The following PPFIA2 variants were observed in gnomAD, a reference collection of about 807,000 sequenced individuals.
The protein encoded by PPFIA2 is liprin-alpha-2.
PPFIA2 carries 46 observed loss-of-function variants against 175.5 expected under a neutral mutation model. That is an observed-to-expected ratio of 0.26 (90% CI 0.21 to 0.34). The LOEUF (loss-of-function observed/expected upper bound fraction) is 0.34. Ranked by LOEUF, PPFIA2 falls within the 10% of genes least tolerant of loss-of-function variation. PPFIA2 has a pLI of 1.00. For missense variants in PPFIA2, 1,179 were observed against 1,506.1 expected, an observed-to-expected ratio of 0.78 and a Z score of 3.60; for synonymous variants, 568 against 511.4, an observed-to-expected ratio of 1.11 and a Z score of -1.49.
Position 81,405,796 on chromosome 12 carries a change from G to A in PPFIA2, c.753C>T (p.Val251=), listed in dbSNP as rs1275724047. ...HLEGMEPGQK[V]HEKRLSNGSI... ...GTGGGGTGTGTCATACCTTCTCATGGACTTTCTGTCCAGGTTCCATCCCTT... is the reference window on the plus strand; with the variant it reads ...GTGGGGTGTGTCATACCTTCTCATGAACTTTCTGTCCAGGTTCCATCCCTT... The change falls in exon 8 of 33, where the codon GTC becomes GTT. Residue 251 remains valine (V), a synonymous_variant. Coordinates refer to ENST00000549396, the MANE Select transcript of PPFIA2 (RefSeq NM_003625.5). The A allele has an allele frequency of 3.9e-6, 6 of 1,557,940 alleles. No homozygotes were observed. The highest frequency in any genetic ancestry group is 5.2e-6 in the Non-Finnish European group (6 of 1,146,460).
chr12:81,678,455 G>C (rs545542332), intron 3 of PPFIA2, among the ~76,000 whole-genome samples: 6 of 151,918 alleles, frequency 3.9e-5, no homozygotes, highest in African/African-American at 1.4e-4. Context: ...GTTTCTATCT[G>C]AAATGCTAAC....
At position 81,746,940 on chromosome 12, in the gene PPFIA2, C is replaced by G. The variant is rs575321763; in HGVS notation, c.249+7033G>C. Among the ~76,000 whole-genome samples the G allele has an allele frequency of 2.1e-5, 3 of 143,428 alleles. No homozygotes were observed. In the South Asian group the frequency reaches 6.9e-4, roughly 33 times the overall value. 94.1% of individuals were successfully genotyped at this position (143,428 alleles called of 152,430 possible). A position where few individuals can be genotyped will look rare whatever the true frequency, so the allele number is the denominator to read the frequency against. On this transcript the variant is annotated intron_variant, in intron 3 of 32. Transcript: ENST00000549396. ...AATTTCAACATGAAATAATTAATAG[C>G]ATTGCTTAACACAAAGAATTCAAGG...
At chr12:81,584,522 A>T (rs1007942679) in intron 4 of PPFIA2, among the ~76,000 whole-genome samples, 1 of 151,660 alleles carries the variant, frequency 6.6e-6, no homozygotes, top group South Asian at 2.1e-4. Context: ...ACATCATCTA[A>T]TGACTGGCTT....
rs773591412 is a variant in PPFIA2 at position 81,277,344 on chromosome 12, G to A, written c.3283C>T (p.Arg1095Trp). Residue 1095 changes from arginine (R) to tryptophan (W), a missense_variant, in exon 28 of 33, where the codon CGG (arginine) becomes TGG (tryptophan). Physicochemically the swap from Arg to Trp is moderately radical, Grantham distance 101 (BLOSUM62 -3). Around this residue, in one of 10 missense-constraint regions of PPFIA2, gnomAD observed 245 missense variants for 375.1 expected, o/e 0.65. Coordinates refer to ENST00000549396, the MANE Select transcript of PPFIA2 (RefSeq NM_003625.5). ...NYDRKELERR[R>W]EASQHEIKDV... ...TTTATTTCATGTTGGCTTGCTTCCC[G>A]TCTTCTTTCTAGTTCTTTTCTGTCA... The A allele has an allele frequency of 3.8e-6, 6 of 1,566,926 alleles. No homozygotes were observed. The highest frequency in any genetic ancestry group is 1.4e-5 in the African/African-American group (1 of 73,660).
In PPFIA2 at chr12:81,374,808, A is replaced by G. The variant is rs764623282; in HGVS notation, c.1132-40T>C. On this transcript the variant is annotated intron_variant, in intron 10 of 32. Coordinates refer to ENST00000549396, the MANE Select transcript of PPFIA2 (RefSeq NM_003625.5). ...GGAGCAGAGACACTTAAAGAGTCAGAGTTTGGATAGCAAACACCAGTCGCC... is the reference window on the plus strand; with the variant it reads ...GGAGCAGAGACACTTAAAGAGTCAGGGTTTGGATAGCAAACACCAGTCGCC... 7.9e-5 allele frequency: 125 copies of G among 1,574,182 alleles called. 1 individual carries two copies. The South Asian group carries it at 1.3e-3, about 17-fold the overall frequency.
At chr12:81,392,251 G>A (rs533235399) in intron 8 of PPFIA2, among the ~76,000 whole-genome samples, 1 of 151,824 alleles carries the variant, frequency 6.6e-6, no homozygotes, top group Non-Finnish European at 1.5e-5. Flanking sequence ...TGTAGTCTTC[G>A]ATTAGAAAGA....
chr12:81,464,441 G>A (rs1405209691), intron 4 of PPFIA2, among the ~76,000 whole-genome samples: 1 of 152,080 alleles, frequency 6.6e-6, no homozygotes, highest in Non-Finnish European at 1.5e-5. Flanking sequence ...GCAAAGATAA[G>A]CTGTCTTGTA....
chr12:81,375,761 C>T (rs1343490713), intron 10 of PPFIA2, 35 bp downstream of exon 10: 2 of 1,563,424 alleles, frequency 1.3e-6, no homozygotes, highest in South Asian at 2.2e-5. Context: ...TGAGAACGCA[C>T]AGACCAGAAG....
intron 4 of PPFIA2, among the ~76,000 whole-genome samples, chr12:81,599,403 T>C (rs973952261): frequency 3.9e-5 from 6 of 151,970 alleles, no homozygotes; most frequent in African/African-American, 1.4e-4. Context: ...TCCTCAATTC[T>C]TTAGATGGGA....
At chr12:81,308,816 A>T (rs1187289882) in intron 22 of PPFIA2, among the ~76,000 whole-genome samples, 1 of 152,196 alleles carries the variant, frequency 6.6e-6, no homozygotes, top group African/African-American at 2.4e-5. Context: ...AAGTTAGCCT[A>T]GTTTAAATGA....
intron 7 of PPFIA2, among the ~76,000 whole-genome samples, chr12:81,426,938 A>G (rs2047230736): frequency 6.6e-6 from 1 of 152,144 alleles, no homozygotes; most frequent in Admixed American, 6.6e-5. Context: ...TATCTTAAAA[A>G]CTGTAAATAT....
At chr12:81,443,322 A>G (rs943135116) in intron 6 of PPFIA2, among the ~76,000 whole-genome samples, 6 of 151,736 alleles carry the variant, frequency 4.0e-5, no homozygotes, top group Non-Finnish European at 8.8e-5. Context: ...CAGAGCCCCA[A>G]TTCATTTCTT....
intron 17 of PPFIA2, among the ~76,000 whole-genome samples, chr12:81,349,654 G>A (rs1241272635): frequency 6.6e-6 from 1 of 152,106 alleles, no homozygotes. Context: ...CTGGTGAGAT[G>A]TAACATGGTT....
intron 11 of PPFIA2, among the ~76,000 whole-genome samples, chr12:81,370,146 A>C (rs1026476281): frequency 3.3e-5 from 5 of 151,822 alleles, no homozygotes; most frequent in Non-Finnish European, 4.4e-5. Flanking sequence ...ATGTTGAGGA[A>C]AATGCTAGAC....
At chr12:81,566,402 T>C (rs767000231) in intron 4 of PPFIA2, among the ~76,000 whole-genome samples, 12 of 151,590 alleles carry the variant, frequency 7.9e-5, no homozygotes, top group Non-Finnish European at 1.5e-4. Flanking sequence ...TGGGTGCCTG[T>C]AGTCCCAGAT....
chr12:81,307,504 G>T (rs1488671286), intron 22 of PPFIA2, among the ~76,000 whole-genome samples: 1 of 152,058 alleles, frequency 6.6e-6, no homozygotes, highest in Non-Finnish European at 1.5e-5. Context: ...AGTTACCCAG[G>T]TTGGCTGCAG....
chr12:81,321,871 G>A (rs1040518094), intron 22 of PPFIA2, among the ~76,000 whole-genome samples: 24 of 152,164 alleles, frequency 1.6e-4, no homozygotes, highest in African/African-American at 5.8e-4. Context: ...TAAATCTGAA[G>A]GGACCATCTA....
intron 4 of PPFIA2, among the ~76,000 whole-genome samples, chr12:81,468,757 A>G (rs1291712115): frequency 2.0e-5 from 3 of 152,246 alleles, no homozygotes; most frequent in Non-Finnish European, 4.4e-5. Context: ...TAAAAGTTGT[A>G]AAATCTATTG....
rs1056928776 is a variant in PPFIA2 at position 81,745,131 on chromosome 12, A to G, written c.249+8842T>C. Among the ~76,000 whole-genome samples, 7 of 152,338 alleles carry G rather than the reference A, an allele frequency of 4.6e-5. No individual in the cohort carries two copies. In the East Asian group the frequency reaches 1.4e-3, roughly 29 times the overall value. Reference sequence around the variant, plus strand: ...CCTAGCTTCTCTAGCATGATTAGACAATAAATTAATTATCTTTTGTTTTAT... The same window carrying G: ...CCTAGCTTCTCTAGCATGATTAGACGATAAATTAATTATCTTTTGTTTTAT... On this transcript the variant is annotated intron_variant, in intron 3 of 32. Transcript: ENST00000549396.
Sources: allele counts gnomAD v4.1 joint callset (sites outside exome capture counted in the v4.1 genomes callset), GRCh38; gene constraint gnomAD v4.1.1; regional missense constraint gnomAD v4.1.1; transcripts MANE v1.5; gene names NCBI Gene and HGNC (gene_info 2026-07-23, HGNC 2026-07-21).